The following OCM variants were observed in gnomAD, a reference collection of about 807,000 sequenced individuals.
OCM encodes the protein oncomodulin, also known as oncomodulin-1.
OCM carries 18 observed loss-of-function variants against 14.1 expected under a neutral mutation model. That is an observed-to-expected ratio of 1.28 (90% CI 0.88 to 1.89). OCM has a LOEUF of 1.89. Ranked by LOEUF, OCM falls within the 40% of genes most tolerant of loss-of-function variation. The pLI is 0.00. For missense variants in OCM, 140 were observed against 137.6 expected (o/e 1.02, Z -0.09); for synonymous variants, 48 against 51.0 (o/e 0.94, Z 0.25).
upstream of OCM, among the ~76,000 whole-genome samples, chr7:5,878,678 C>T (rs1161716505): frequency 2.0e-5 from 3 of 150,978 alleles, no homozygotes; most frequent in Non-Finnish European, 4.4e-5. Flanking sequence ...ACCCAGGAGG[C>T]GGAGCTTGCA....
At chr7:5,863,698 A>G in the OCM span, among the ~76,000 whole-genome samples, 1 of 151,876 alleles carries the variant, frequency 6.6e-6, no homozygotes, top group African/African-American at 2.4e-5. Context: ...ACGCCCAGCT[A>G]ATTTTTTGTA....
the OCM span, among the ~76,000 whole-genome samples, chr7:5,868,755 G>C: frequency 7.2e-5 from 11 of 152,250 alleles, no homozygotes; most frequent in South Asian, 1.7e-3. Flanking sequence ...CAGAAAGTCA[G>C]ACCAGTACTC....
chr7:5,867,340 A>G, the OCM span, among the ~76,000 whole-genome samples: 11 of 152,108 alleles, frequency 7.2e-5, no homozygotes, highest in Admixed American at 5.9e-4. Flanking sequence ...TCTGATGTCA[A>G]TCTTTTCTTT....
rs538192646 is a variant in OCM, at chr7:5,885,035, G to T, written c.305-1029G>T. Among the ~76,000 whole-genome samples, 3 of 151,802 alleles carry T rather than the reference G, an allele frequency of 2.0e-5. No individual in the cohort carries two copies. The South Asian group carries it at 6.2e-4, about 32-fold the overall frequency. Reference sequence around the variant, plus strand: ...CTCGGGAAGCTGAGGCAGGAGAATCGCTTGAACCTGGGAGGCAGAGGTTGC... The same window carrying T: ...CTCGGGAAGCTGAGGCAGGAGAATCTCTTGAACCTGGGAGGCAGAGGTTGC... On this transcript the variant is annotated intron_variant, in intron 3 of 3. Coordinates refer to ENST00000242104, the MANE Select transcript of OCM (RefSeq NM_001097622.2).
chr7:5,870,495 A>T, the OCM span, among the ~76,000 whole-genome samples: 2 of 152,110 alleles, frequency 1.3e-5, no homozygotes, highest in Non-Finnish European at 2.9e-5. Context: ...ATTTCTTCTC[A>T]CTGGGGTTCT....
At chr7:5,885,140 A>G (rs1781306467) in intron 3 of OCM, among the ~76,000 whole-genome samples, 1 of 150,510 alleles carries the variant, frequency 6.6e-6, no homozygotes, top group Admixed American at 6.6e-5. Flanking sequence ...AAAAAAACAT[A>G]ACCATGAAGG....
upstream of OCM, among the ~76,000 whole-genome samples, chr7:5,877,288 GCC>G (rs1260513996): frequency 1.4e-5 from 2 of 146,556 alleles, no homozygotes; most frequent in African/African-American, 5.1e-5. Context: ...ACATCGTGAG[GCC>G]CCCGTTTCTA....
chr7:5,882,701 C>G, intron 2 of OCM, 76 bp downstream of exon 2: 6 of 1,553,116 alleles, frequency 3.9e-6, no homozygotes, highest in South Asian at 1.2e-5. Flanking sequence ...CCAGGTTGCT[C>G]AGTATTTCTT....
chr7:5,871,221 G>A, the OCM span, among the ~76,000 whole-genome samples: 24 of 151,954 alleles, frequency 1.6e-4, no homozygotes, highest in South Asian at 6.3e-4. Context: ...TGGGTATGGC[G>A]GCGTGTGCCC....
the OCM span, among the ~76,000 whole-genome samples, chr7:5,869,999 C>A: frequency 6.6e-6 from 1 of 152,196 alleles, no homozygotes; most frequent in Non-Finnish European, 1.5e-5. Flanking sequence ...AGAGTATTCT[C>A]ATAGCAACAA....
intron 3 of OCM, 31 bp downstream of exon 3, chr7:5,884,030 A>G (rs770853314): frequency 2.1e-5 from 34 of 1,606,348 alleles, no homozygotes; most frequent in Non-Finnish European, 2.8e-5. Flanking sequence ...AGCATAAAAC[A>G]CTCTAGCTCA....
chr7:5,884,274 A>G (rs1781288594), intron 3 of OCM, among the ~76,000 whole-genome samples: 1 of 152,184 alleles, frequency 6.6e-6, no homozygotes, highest in African/African-American at 2.4e-5. Context: ...GGGACTAGCT[A>G]GCCACCTGGC....
At chr7:5,873,219 A>G in the OCM span, among the ~76,000 whole-genome samples, 11 of 152,188 alleles carry the variant, frequency 7.2e-5, no homozygotes, top group South Asian at 1.5e-3. Flanking sequence ...TACTAAAACT[A>G]CAAAAAATTC....
At chr7:5,884,411 T>C (rs1459243221) in intron 3 of OCM, among the ~76,000 whole-genome samples, 1 of 152,202 alleles carries the variant, frequency 6.6e-6, no homozygotes, top group African/African-American at 2.4e-5. Flanking sequence ...TTGGCATGCG[T>C]AGGAAGCCCT....
At chr7:5,879,381 C>T (rs776902813), upstream of OCM, among the ~76,000 whole-genome samples, 12 of 152,146 alleles carry the variant, frequency 7.9e-5, no homozygotes, top group Non-Finnish European at 1.3e-4. Context: ...AGGAAAGTCA[C>T]GTCACTTAGC....
At chr7:5,861,145 A>G in the OCM span, among the ~76,000 whole-genome samples, 1 of 152,042 alleles carries the variant, frequency 6.6e-6, no homozygotes, top group African/African-American at 2.4e-5. Context: ...GGCCGAGTGC[A>G]GTGCGGTGGC....
At chr7:5,873,307 G>T in the OCM span, among the ~76,000 whole-genome samples, 4 of 152,028 alleles carry the variant, frequency 2.6e-5, no homozygotes, top group Admixed American at 2.6e-4. Context: ...AATCTGGGAG[G>T]TAGAGGTCGC....
chr7:5,874,919 A>C (rs961205558), upstream of OCM, among the ~76,000 whole-genome samples: 6 of 151,926 alleles, frequency 3.9e-5, no homozygotes, highest in Admixed American at 2.6e-4. Context: ...TGTCCCCATT[A>C]AACACTCACT....
the OCM span, among the ~76,000 whole-genome samples, chr7:5,866,814 A>G: frequency 1.3e-5 from 2 of 152,122 alleles, no homozygotes; most frequent in East Asian, 3.9e-4. Context: ...GCAAGAAGAC[A>G]TATCTGTGGA....
Sources: allele counts gnomAD v4.1 joint callset (sites outside exome capture counted in the v4.1 genomes callset), GRCh38; gene constraint gnomAD v4.1.1; transcripts MANE v1.5; gene names NCBI Gene and HGNC (gene_info 2026-07-23, HGNC 2026-07-21).